The following PIGN variants were observed in gnomAD, a reference collection of about 807,000 sequenced individuals.
The protein encoded by PIGN is GPI ethanolamine phosphate transferase 1.
In PIGN, 117 loss-of-function variants were observed where a neutral mutation model predicts 125.4. The ratio of observed to expected loss-of-function variants is 0.93; its 90% CI spans 0.80 to 1.09. PIGN has a LOEUF of 1.09. Ranked by LOEUF, PIGN falls within the 50% of genes least tolerant of loss-of-function variation. The pLI, the probability that PIGN is intolerant of heterozygous loss-of-function variation, is 0.00. For missense variants in PIGN, 1,075 were observed against 1,094.9 expected (o/e 0.98, Z 0.26); for synonymous variants, 392 against 377.8 (o/e 1.04, Z -0.44).
chr18:62,047,592 G>A (rs1416992959), intron 30 of PIGN, among the ~76,000 whole-genome samples: 4 of 152,208 alleles, frequency 2.6e-5, no homozygotes, highest in African/African-American at 9.7e-5. Flanking sequence ...CTGGCAGGCA[G>A]CAGTAAGGAG....
chr18:62,094,814 G>T (rs1326615303), intron 23 of PIGN, among the ~76,000 whole-genome samples: 3 of 152,100 alleles, frequency 2.0e-5, no homozygotes, highest in Non-Finnish European at 4.4e-5. Flanking sequence ...GGTTAGGCAG[G>T]GGGAAGGGAA....
At chr18:62,181,789 C>A (rs1811708) in intron 1 of PIGN, among the ~76,000 whole-genome samples, 62,324 of 151,886 alleles carry the variant, frequency 0.41, 13,454 homozygotes, top group East Asian at 0.78. Context: ...TGCAGTGGCG[C>A]GATCTCGGCT....
chr18:62,032,784 T>A (rs528681900), intron 23 of PIGN, among the ~76,000 whole-genome samples: 1 of 152,210 alleles, frequency 6.6e-6, no homozygotes, highest in African/African-American at 2.4e-5. Context: ...AGGGTTCTTA[T>A]AAGAATTAAA....
chr18:62,047,331 G>A (rs1185782236), intron 30 of PIGN, among the ~76,000 whole-genome samples: 2 of 152,168 alleles, frequency 1.3e-5, no homozygotes, highest in Non-Finnish European at 2.9e-5. Flanking sequence ...GATGTCAGTG[G>A]ACATCACGTG....
downstream of PIGN, among the ~76,000 whole-genome samples, chr18:62,040,473 A>G (rs962598447): frequency 6.6e-6 from 1 of 152,202 alleles, no homozygotes; most frequent in African/African-American, 2.4e-5. Flanking sequence ...TCTCATGATT[A>G]GACTGGGTTT....
chr18:62,124,450 T>C (rs2035425083), intron 14 of PIGN, among the ~76,000 whole-genome samples: 1 of 152,172 alleles, frequency 6.6e-6, no homozygotes. Flanking sequence ...AAGTTTTAGC[T>C]GTAAATCTCA....
At chr18:62,084,314 A>C (rs2033586640) in intron 27 of PIGN, among the ~76,000 whole-genome samples, 1 of 152,188 alleles carries the variant, frequency 6.6e-6, no homozygotes, top group Non-Finnish European at 1.5e-5. Flanking sequence ...TCAGATTAAC[A>C]GTTGAATCCC....
chr18:62,104,516 T>G (rs542052807), intron 20 of PIGN, among the ~76,000 whole-genome samples: 2 of 152,332 alleles, frequency 1.3e-5, no homozygotes, highest in African/African-American at 4.8e-5. Flanking sequence ...TGTTTTTACC[T>G]AGTAACACTC....
intron 1 of PIGN, among the ~76,000 whole-genome samples, chr18:62,184,187 T>C (rs1229660265): frequency 1.3e-5 from 2 of 152,220 alleles, no homozygotes; most frequent in Non-Finnish European, 2.9e-5. Context: ...AAAACTTGCA[T>C]TCAGAATATT....
intron 30 of PIGN, among the ~76,000 whole-genome samples, chr18:62,048,980 A>G (rs960847883): frequency 6.6e-6 from 1 of 151,244 alleles, no homozygotes; most frequent in Non-Finnish European, 1.5e-5. Context: ...GCGATAGTTT[A>G]CTGAGAATGA....
chr18:62,154,659 G>A lies in PIGN; in HGVS notation c.443-8C>T, dbSNP rs1370848332. On this transcript the variant is annotated splice_polypyrimidine_tract_variant and splice_region_variant and intron_variant, in intron 6 of 30. Coordinates refer to ENST00000640252, the MANE Select transcript of PIGN (RefSeq NM_176787.5). ...CGTGGTCTCCACTAGCACCTGAAAA[G>A]AAAATTTGGAAAAAATAATCTTTTT... 1 of 1,169,668 alleles carries A rather than the reference G, an allele frequency of 8.5e-7. No homozygotes were observed. The allele number at this position is 1,169,668 out of a possible 1,614,324, so 72.5% of individuals were successfully genotyped here.
intron 23 of PIGN, among the ~76,000 whole-genome samples, chr18:62,026,915 C>CG (rs1466156665): frequency 6.6e-6 from 1 of 152,112 alleles, no homozygotes; most frequent in Non-Finnish European, 1.5e-5. Flanking sequence ...AGGAGGCTGA[C>CG]GGGGGGCCAA....
intron 14 of PIGN, among the ~76,000 whole-genome samples, chr18:62,133,680 T>C (rs1325534659): frequency 6.6e-6 from 1 of 152,212 alleles, no homozygotes; most frequent in Non-Finnish European, 1.5e-5. Context: ...TTTCTCATTA[T>C]TTTATTGCTG....
Position 62,108,245 on chromosome 18 carries a change from T to C in PIGN, c.1575-1160A>G, listed in dbSNP as rs77283949. 7.9e-5 allele frequency among the ~76,000 whole-genome samples: 12 copies of C among 152,322 alleles called. No homozygotes were observed. In the East Asian group the frequency reaches 2.3e-3, roughly 29 times the overall value. On this transcript the variant is annotated intron_variant, in intron 17 of 30. Transcript: ENST00000640252. The stretch of plus-strand genomic sequence containing the variant: ...GAAGACTGTGAATTTTTATGTCTTT[T>C]TCCTATACAATCTATCAAAAAGATA...
intron 15 of PIGN, 35 bp from the exon 16 acceptor site, chr18:62,113,351 AAAT>A (rs2034959494): frequency 6.8e-7 from 1 of 1,475,774 alleles, no homozygotes; most frequent in Non-Finnish European, 9.2e-7. Flanking sequence ...TTGCTAACAG[AAAT>A]AATAAGAAAA....
At chr18:62,132,504 G>C (rs981003021) in intron 14 of PIGN, among the ~76,000 whole-genome samples, 1 of 151,854 alleles carries the variant, frequency 6.6e-6, no homozygotes, top group South Asian at 2.1e-4. Context: ...ATTCCACCTG[G>C]TTCTGGTATA....
rs747283967 is a variant in PIGN at position 62,107,000 on chromosome 18, C to G, written c.1660G>C (p.Gly554Arg). The change falls in exon 18 of 31, where the codon GGA (glycine) becomes CGA (arginine). Residue 554 changes from glycine (G) to arginine (R), a missense_variant. Gly to Arg is a moderately radical substitution (Grantham distance 125). Coordinates refer to ENST00000640252, the MANE Select transcript of PIGN (RefSeq NM_176787.5). ...FVGYLLAFTL[G>R]IEVLVLSFFY... ...AAGTTACTTACTAATACTTCAATTC[C>G]CAGGGTAAAGGCTAACAGGTACCCA... 1 of 1,583,074 alleles carries G rather than the reference C, an allele frequency of 6.3e-7. No individual in the cohort carries two copies. The highest frequency in any genetic ancestry group is 1.2e-5 in the South Asian group (1 of 86,150).
intron 28 of PIGN, among the ~76,000 whole-genome samples, chr18:62,077,224 A>G (rs1311110560): frequency 6.6e-6 from 1 of 152,086 alleles, no homozygotes; most frequent in East Asian, 1.9e-4. Context: ...CTAAAAATAG[A>G]AAAATTAGGC....
chr18:62,101,763 T>C (rs1472455342), intron 21 of PIGN, among the ~76,000 whole-genome samples: 1 of 152,252 alleles, frequency 6.6e-6, no homozygotes, highest in Non-Finnish European at 1.5e-5. Context: ...AACACTCATA[T>C]GAGTTTTGCT....
Sources: gnomAD v4.1 joint callset for allele counts (sites outside exome capture counted in the v4.1 genomes callset) on GRCh38, gnomAD v4.1.1 for gene constraint, MANE v1.5 for transcripts, NCBI Gene and HGNC (gene_info 2026-07-23, HGNC 2026-07-21) for gene names.